GARRE1: variants seen among roughly 807,000 people sequenced by gnomAD.
The protein encoded by GARRE1 is granule associated Rac and RHOG effector 1.
A neutral mutation model predicts 103.2 loss-of-function variants in GARRE1; 49 were observed. The observed-to-expected ratio is 0.47, with a 90% CI of 0.38 to 0.60. The LOEUF (loss-of-function observed/expected upper bound fraction) is 0.60. Ranked by LOEUF, GARRE1 falls within the 20% of genes least tolerant of loss-of-function variation. The pLI is 0.00. For synonymous variants in GARRE1, 505 were observed against 532.8 expected, an observed-to-expected ratio of 0.95 and a Z score of 0.72; for missense variants, 1,199 against 1,370.5, an observed-to-expected ratio of 0.87 and a Z score of 1.98.
chr19:34,353,101 G>T lies in GARRE1; in HGVS notation c.*146G>T, dbSNP rs1480987786. 2 of 754,908 alleles carry T rather than the reference G, an allele frequency of 2.6e-6. No individual in the cohort carries two copies. The highest frequency in any genetic ancestry group is 4.2e-6 in the Non-Finnish European group (2 of 481,030). The allele number at this position is 754,908 out of a possible 1,614,324, so 46.8% of individuals were successfully genotyped here. A position where few individuals can be genotyped will look rare whatever the true frequency, so the allele number is the denominator to read the frequency against. The stretch of plus-strand genomic sequence containing the variant: ...CCAGGGAGGGTTCCTTGGGGACAAG[G>T]GTGGTTGGCAGCTCCAAGCCTTTAA... On this transcript the variant is annotated 3_prime_UTR_variant, in exon 14 of 14. Coordinates refer to ENST00000299505, the MANE Select transcript of GARRE1 (RefSeq NM_014686.5).
intron 2 of GARRE1, among the ~76,000 whole-genome samples, chr19:34,317,415 C>T (rs372605322): frequency 1.1e-4 from 16 of 152,138 alleles, no homozygotes; most frequent in East Asian, 3.9e-4. Context: ...TGGAGCATGG[C>T]GTCTTCCCTT....
At chr19:34,307,736 TTATA>T (rs1555783139) in intron 2 of GARRE1, among the ~76,000 whole-genome samples, 5 of 128,386 alleles carry the variant, frequency 3.9e-5, no homozygotes, top group East Asian at 4.0e-4. Flanking sequence ...ACATATATAC[TTATA>T]TATACTATAT....
chr19:34,283,212 A>G (rs2073865608), intron 1 of GARRE1, among the ~76,000 whole-genome samples: 1 of 152,216 alleles, frequency 6.6e-6, no homozygotes. Flanking sequence ...CATAGCTATC[A>G]ATCTTTAGTC....
chr19:34,255,817 T>TA (rs1395472319), intron 1 of GARRE1, among the ~76,000 whole-genome samples: 1 of 151,990 alleles, frequency 6.6e-6, no homozygotes. Context: ...TATCTTAGAA[T>TA]AAATTTACAA....
intron 2 of GARRE1, among the ~76,000 whole-genome samples, chr19:34,305,072 G>A (rs973775103): frequency 1.3e-5 from 2 of 152,330 alleles, no homozygotes. Context: ...GATTACAGGC[G>A]TGAGCCACCG....
chr19:34,286,960 A>G (rs1289456703), intron 1 of GARRE1, among the ~76,000 whole-genome samples: 1 of 151,882 alleles, frequency 6.6e-6, no homozygotes, highest in African/African-American at 2.4e-5. Flanking sequence ...CATCTGGGGA[A>G]CTTGTTAAAA....
intron 1 of GARRE1, among the ~76,000 whole-genome samples, chr19:34,263,077 G>A (rs1038571281): frequency 2.6e-5 from 4 of 152,104 alleles, no homozygotes; most frequent in African/African-American, 9.7e-5. Context: ...ACTGGGCATG[G>A]TGGCGGGTGC....
chr19:34,308,224 T>C (rs2145249283), intron 2 of GARRE1, among the ~76,000 whole-genome samples: 1 of 150,940 alleles, frequency 6.6e-6, no homozygotes, highest in Middle Eastern at 3.5e-3. Context: ...TGGAATTGAA[T>C]GTGCATCCTG....
At chr19:34,272,467 G>A (rs533689157) in intron 1 of GARRE1, among the ~76,000 whole-genome samples, 1 of 152,252 alleles carries the variant, frequency 6.6e-6, no homozygotes, top group South Asian at 2.1e-4. Flanking sequence ...CCAAAGTGCT[G>A]GGATTACAGG....
chr19:34,257,308 A>T (rs1023953951), intron 1 of GARRE1, among the ~76,000 whole-genome samples: 1 of 152,162 alleles, frequency 6.6e-6, no homozygotes, highest in Non-Finnish European at 1.5e-5. Flanking sequence ...TCTGAAAGCT[A>T]GCAGGCTGGG....
At chr19:34,329,729 A>C (rs920388969) in intron 6 of GARRE1, among the ~76,000 whole-genome samples, 1 of 152,046 alleles carries the variant, frequency 6.6e-6, no homozygotes, top group African/African-American at 2.4e-5. Flanking sequence ...CTAGCTACTC[A>C]GGAGGCTGAG....
chr19:34,344,876 G>A (rs2074203872), intron 10 of GARRE1, among the ~76,000 whole-genome samples: 6 of 144,996 alleles, frequency 4.1e-5, no homozygotes, highest in Admixed American at 3.5e-4. Flanking sequence ...TCGCTCTACC[G>A]CCCCGAGGCT....
In GARRE1 at chr19:34,328,037, A is replaced by C; in HGVS notation, c.990A>C (p.Thr330=). The C allele has an allele frequency of 6.2e-7, 1 of 1,613,886 alleles. No individual in the cohort carries two copies. Among genetic ancestry groups the C allele is most frequent in the Non-Finnish European group, 8.5e-7 (1 of 1,179,980 alleles). Residue 330 remains threonine (T), a synonymous_variant, in exon 6 of 14, where the codon ACA becomes ACC. Transcript: ENST00000299505. ...AEAQQTGRRQ[T]PPQPMQCELP... Reference sequence around the variant, plus strand: ...CCCAGCAGACGGGGCGGAGGCAGACACCCCCGCAGCCCATGCAGTGTGAGC... The same window carrying C: ...CCCAGCAGACGGGGCGGAGGCAGACCCCCCCGCAGCCCATGCAGTGTGAGC...
intron 1 of GARRE1, among the ~76,000 whole-genome samples, chr19:34,260,651 A>T (rs1282762720): frequency 6.6e-6 from 1 of 152,230 alleles, no homozygotes; most frequent in African/African-American, 2.4e-5. Flanking sequence ...GTTTAGCATT[A>T]ATGAAGTATT....
At chr19:34,333,845 C>A in intron 8 of GARRE1, 44 bp downstream of exon 8, 1 of 1,101,966 alleles carries the variant, frequency 9.1e-7, no homozygotes, top group Non-Finnish European at 1.4e-6. Flanking sequence ...CTCTGACTGA[C>A]GTTTGCACAT....
intron 1 of GARRE1, among the ~76,000 whole-genome samples, chr19:34,270,562 A>G (rs576301013): frequency 6.6e-6 from 1 of 152,246 alleles, no homozygotes; most frequent in African/African-American, 2.4e-5. Context: ...AAGTGAGCTG[A>G]GGAGCCTAGT....
In GARRE1 at chr19:34,279,915, G is replaced by T. The variant is rs376884052; in HGVS notation, c.-795-19764G>T. Among the ~76,000 whole-genome samples, 680 of 149,818 alleles carry T rather than the reference G, an allele frequency of 4.5e-3. 3 individuals carry two copies. Among genetic ancestry groups the T allele is most frequent in the African/African-American group, 0.015 (620 of 40,620 alleles). On this transcript the variant is annotated intron_variant, in intron 1 of 13. Transcript: ENST00000299505. ...CAGGAGAATGGCGTGAACCCGGGAG[G>T]CGGAGCTTGCAGTGAGCCGAGATCC...
At chr19:34,341,287 T>A (rs923323252) in intron 9 of GARRE1, 135 bp from the exon 10 acceptor site, 1 of 697,462 alleles carries the variant, frequency 1.4e-6, no homozygotes, top group Non-Finnish European at 2.4e-6. Context: ...TTCATTTATA[T>A]ATAAAATAAG....
intron 1 of GARRE1, among the ~76,000 whole-genome samples, chr19:34,288,024 G>T (rs916047607): frequency 6.6e-6 from 1 of 152,150 alleles, no homozygotes; most frequent in Non-Finnish European, 1.5e-5. Context: ...TGCATAGTGG[G>T]TAGTATGATT....
Sources: allele counts gnomAD v4.1 joint callset (sites outside exome capture counted in the v4.1 genomes callset), GRCh38; gene constraint gnomAD v4.1.1; transcripts MANE v1.5; gene names NCBI Gene and HGNC (gene_info 2026-07-23, HGNC 2026-07-21).